NDST3: variants seen among roughly 807,000 people sequenced by gnomAD.
NDST3 encodes the protein N-deacetylase and N-sulfotransferase 3.
In NDST3, 58 loss-of-function variants were observed where a neutral mutation model predicts 96.1. The observed-to-expected ratio is 0.60, with a 90% CI of 0.49 to 0.75. NDST3 has a LOEUF of 0.75. NDST3 is among the 30% of genes least tolerant of loss of function. NDST3 has a pLI of 0.00. For synonymous variants in NDST3, 333 were observed against 359.7 expected (o/e 0.93, Z 0.84); for missense variants, 788 against 1,034.2 (o/e 0.76, Z 3.27).
At chr4:118,089,696 T>C (rs1206654773) in intron 2 of NDST3, among the ~76,000 whole-genome samples, 1 of 152,006 alleles carries the variant, frequency 6.6e-6, no homozygotes, top group East Asian at 1.9e-4. Flanking sequence ...ACACCAATTA[T>C]ACATAAGATC....
At chr4:118,133,592 T>C (rs1332586816) in intron 4 of NDST3, among the ~76,000 whole-genome samples, 2 of 152,228 alleles carry the variant, frequency 1.3e-5, no homozygotes, top group Non-Finnish European at 2.9e-5. Flanking sequence ...TGCAGATAGT[T>C]GTTAAAATTT....
chr4:118,087,488 C>A (rs1284848756), intron 2 of NDST3, among the ~76,000 whole-genome samples: 1 of 151,962 alleles, frequency 6.6e-6, no homozygotes, highest in Admixed American at 6.6e-5. Context: ...AAAGGAAGTC[C>A]CATTGTGTTT....
At chr4:118,162,603 G>C (rs2125927286) in intron 6 of NDST3, among the ~76,000 whole-genome samples, 1 of 150,898 alleles carries the variant, frequency 6.6e-6, no homozygotes, top group East Asian at 1.9e-4. Flanking sequence ...ATCAATTCAA[G>C]ATGGATTAAA....
chr4:118,198,132 C>T (rs1362967097), intron 6 of NDST3, among the ~76,000 whole-genome samples: 1 of 152,032 alleles, frequency 6.6e-6, no homozygotes, highest in Non-Finnish European at 1.5e-5. Context: ...TACTCTGTGT[C>T]CTTTGAAGAA....
chr4:118,118,856 T>G (rs1162398618), intron 4 of NDST3, among the ~76,000 whole-genome samples: 1 of 152,092 alleles, frequency 6.6e-6, no homozygotes, highest in Non-Finnish European at 1.5e-5. Context: ...GAATAACATA[T>G]CATTAGAAAG....
At chr4:118,170,167 GAA>G (rs1327017486) in intron 6 of NDST3, among the ~76,000 whole-genome samples, 5 of 152,154 alleles carry the variant, frequency 3.3e-5, no homozygotes. Context: ...CATTCTGGAA[GAA>G]AGAGAAATTG....
chr4:118,155,328 T>C (rs1257507372), intron 6 of NDST3, among the ~76,000 whole-genome samples: 3 of 152,156 alleles, frequency 2.0e-5, no homozygotes, highest in Non-Finnish European at 4.4e-5. Flanking sequence ...ATTCACCCCA[T>C]GTCTATGTGG....
chr4:118,046,207 C>A lies in NDST3; in HGVS notation c.-155-7549C>A, dbSNP rs555389739. On this transcript the variant is annotated intron_variant, in intron 1 of 13. Transcript: ENST00000296499. ...ATAGGTTCATGATGGGACTGTGGGA[C>A]TGCCCACCCTCACCATGTGCCTATG... 2.0e-5 allele frequency among the ~76,000 whole-genome samples: 3 copies of A among 152,348 alleles called. No individual in the cohort carries two copies. The East Asian group carries it at 5.8e-4, about 29-fold the overall frequency.
intron 2 of NDST3, among the ~76,000 whole-genome samples, chr4:118,083,582 G>A (rs998564987): frequency 3.3e-5 from 5 of 152,082 alleles, no homozygotes; most frequent in African/African-American, 1.2e-4. Context: ...ATGTACCTTG[G>A]GAGTGCTGGT....
intron 6 of NDST3, among the ~76,000 whole-genome samples, chr4:118,206,876 T>TATCCTCAG (rs1160949047): frequency 7.0e-6 from 1 of 143,618 alleles, no homozygotes; most frequent in African/African-American, 2.6e-5. Context: ...TCTAAGAATT[T>TATCCTCAG]ATCCTCAGAT....
chr4:118,078,663 C>T (rs1578594077), intron 2 of NDST3, among the ~76,000 whole-genome samples: 2 of 151,372 alleles, frequency 1.3e-5, no homozygotes, highest in African/African-American at 4.8e-5. Context: ...GCAGGAGAAT[C>T]GTTTGAACCT....
chr4:118,055,566 T>G (rs1725370706), intron 2 of NDST3: 1 of 152,014 alleles, frequency 6.6e-6, no homozygotes, highest in South Asian at 2.1e-4. Flanking sequence ...AAACAATTAT[T>G]TGAAATAGTT....
chr4:118,146,342 G>T (rs1192995241), intron 6 of NDST3, among the ~76,000 whole-genome samples: 1 of 152,214 alleles, frequency 6.6e-6, no homozygotes, highest in Non-Finnish European at 1.5e-5. Flanking sequence ...CAAAAAGATA[G>T]ATGTGTATTG....
intron 6 of NDST3, among the ~76,000 whole-genome samples, chr4:118,188,724 A>G (rs1468163062): frequency 6.6e-6 from 1 of 152,190 alleles, no homozygotes; most frequent in African/African-American, 2.4e-5. Context: ...AGGCTTCATA[A>G]TATGATCCAA....
intron 2 of NDST3, among the ~76,000 whole-genome samples, chr4:118,082,688 C>A (rs566820983): frequency 1.4e-3 from 210 of 152,270 alleles, no homozygotes; most frequent in African/African-American, 4.8e-3. Flanking sequence ...AGAGCAAAGG[C>A]ACTAAGTGTC....
intron 3 of NDST3, among the ~76,000 whole-genome samples, chr4:118,107,363 GA>G (rs1730284726): frequency 6.6e-6 from 1 of 152,016 alleles, no homozygotes; most frequent in Non-Finnish European, 1.5e-5. Context: ...TTTCATGATT[GA>G]AAGCATTACT....
At chr4:118,113,942 C>T (rs1730847621) in intron 3 of NDST3, among the ~76,000 whole-genome samples, 1 of 151,914 alleles carries the variant, frequency 6.6e-6, no homozygotes, top group East Asian at 1.9e-4. Flanking sequence ...TAGGGAAGTA[C>T]AAAAAGGACT....
chr4:118,132,403 A>G (rs565947242), intron 4 of NDST3, among the ~76,000 whole-genome samples: 1 of 152,058 alleles, frequency 6.6e-6, no homozygotes, highest in African/African-American at 2.4e-5. Context: ...CTTAAGCCCA[A>G]GGGTTCTTCT....
Position 118,239,400 on chromosome 4 carries a change from G to A in NDST3, c.2119-1124G>A, listed in dbSNP as rs1740875363. 2.0e-5 allele frequency among the ~76,000 whole-genome samples: 3 copies of A among 152,050 alleles called. No homozygotes were observed. The South Asian group carries it at 6.2e-4, about 32-fold the overall frequency. On this transcript the variant is annotated intron_variant, in intron 10 of 13. Transcript: ENST00000296499. ...GAAAAATAGCGAGTGGAGACATCCT[G>A]GAAAGCTAAGATCCATAAAAATCCA...
Sources: gnomAD v4.1 joint callset for allele counts (sites outside exome capture counted in the v4.1 genomes callset) on GRCh38, gnomAD v4.1.1 for gene constraint, MANE v1.5 for transcripts, NCBI Gene and HGNC (gene_info 2026-07-23, HGNC 2026-07-21) for gene names.